LUZP2: variants seen among roughly 807,000 people sequenced by gnomAD.
LUZP2 encodes leucine zipper protein 2.
Under a neutral mutation model 51.6 loss-of-function variants are expected in LUZP2, and 52 were observed. The ratio of observed to expected loss-of-function variants is 1.01; its 90% CI spans 0.81 to 1.27. LUZP2 has a LOEUF of 1.27. LUZP2 is among the 50% of genes most tolerant of loss of function. LUZP2 has a pLI of 0.00. For missense variants in LUZP2, 436 were observed against 395.4 expected, an observed-to-expected ratio of 1.10 and a Z score of -0.87; for synonymous variants, 154 against 137.3, an observed-to-expected ratio of 1.12 and a Z score of -0.85.
intron 6 of LUZP2, among the ~76,000 whole-genome samples, chr11:24,906,545 A>G (rs896493984): frequency 1.9e-4 from 29 of 150,250 alleles, no homozygotes; most frequent in Non-Finnish European, 2.9e-5. Context: ...GGGAAATGTC[A>G]TTCTGCTTAA....
chr11:24,985,817 A>G (rs1358472347), intron 9 of LUZP2, among the ~76,000 whole-genome samples: 1 of 151,710 alleles, frequency 6.6e-6, no homozygotes, highest in Non-Finnish European at 1.5e-5. Context: ...TCTGGAACTG[A>G]GGGAAGACAT....
intron 6 of LUZP2, among the ~76,000 whole-genome samples, 196 bp downstream of exon 6, chr11:24,906,249 A>C (rs1233636287): frequency 6.6e-6 from 1 of 152,044 alleles, no homozygotes; most frequent in Admixed American, 6.5e-5. Context: ...AGGAAAAAAA[A>C]AAATTAACAA....
intron 1 of LUZP2, among the ~76,000 whole-genome samples, chr11:24,507,968 A>C (rs2133768113): frequency 6.6e-6 from 1 of 151,182 alleles, no homozygotes; most frequent in Non-Finnish European, 1.5e-5. Context: ...AAAGAAACTC[A>C]AAATATAAAT....
At chr11:24,804,352 A>G (rs1204152708) in intron 5 of LUZP2, among the ~76,000 whole-genome samples, 1 of 152,174 alleles carries the variant, frequency 6.6e-6, no homozygotes, top group East Asian at 1.9e-4. Context: ...AAAACGTATC[A>G]TCTTTTCCTA....
intron 10 of LUZP2, among the ~76,000 whole-genome samples, chr11:25,061,900 T>C (rs1166693245): frequency 2.0e-5 from 3 of 152,246 alleles, no homozygotes; most frequent in Middle Eastern, 3.4e-3. Flanking sequence ...GAAATTGATA[T>C]GGAATGAAGA....
intron 5 of LUZP2, among the ~76,000 whole-genome samples, chr11:24,787,753 T>G (rs994478101): frequency 1.3e-5 from 2 of 152,218 alleles, no homozygotes; most frequent in Non-Finnish European, 2.9e-5. Context: ...ATAATAGTTG[T>G]TCTTGTAATT....
At chr11:24,860,880 A>G (rs1340817680) in intron 5 of LUZP2, among the ~76,000 whole-genome samples, 1 of 152,132 alleles carries the variant, frequency 6.6e-6, no homozygotes, top group Non-Finnish European at 1.5e-5. Context: ...TGAAAACCCA[A>G]AAGGCCAGAG....
rs918365139 is a variant in LUZP2, at chr11:24,899,263, C to A, written c.397-6728C>A. ...TTCAGATTTATTATATATCTTATAG[C>A]GTGTGATTTAGTAATTATGTATGGC... On this transcript the variant is annotated intron_variant, in intron 5 of 11. Coordinates refer to ENST00000336930, the MANE Select transcript of LUZP2 (RefSeq NM_001009909.4). Among the ~76,000 whole-genome samples the A allele has an allele frequency of 5.9e-5, 9 of 151,858 alleles. No individual in the cohort carries two copies. In the East Asian group the frequency reaches 1.6e-3, roughly 26 times the overall value.
intron 5 of LUZP2, among the ~76,000 whole-genome samples, chr11:24,881,560 CTG>C (rs1852469810): frequency 1.3e-5 from 2 of 151,964 alleles, no homozygotes; most frequent in African/African-American, 4.8e-5. Context: ...TGAAAGTATT[CTG>C]ATTACTCAAA....
intron 1 of LUZP2, among the ~76,000 whole-genome samples, chr11:24,717,884 A>AATC: frequency 1.1e-5 from 1 of 87,624 alleles, no homozygotes; most frequent in Non-Finnish European, 2.5e-5. Flanking sequence ...GTTTGCTAAT[A>AATC]GCCTCCAGCT....
At chr11:24,932,832 C>G (rs368121021) in intron 7 of LUZP2, among the ~76,000 whole-genome samples, 1 of 152,162 alleles carries the variant, frequency 6.6e-6, no homozygotes, top group Non-Finnish European at 1.5e-5. Context: ...GGGTTCTGTC[C>G]AGGAAACTCT....
At chr11:25,038,224 TTCTG>T (rs1857925130) in intron 9 of LUZP2, among the ~76,000 whole-genome samples, 1 of 152,180 alleles carries the variant, frequency 6.6e-6, no homozygotes, top group Admixed American at 6.5e-5. Flanking sequence ...TAAAAAATTT[TTCTG>T]TCTGACATAA....
chr11:24,778,727 G>A (rs1242878369), intron 5 of LUZP2, among the ~76,000 whole-genome samples: 3 of 152,160 alleles, frequency 2.0e-5, no homozygotes, highest in African/African-American at 7.2e-5. Context: ...TAGAATTTTT[G>A]CTAGCATTTA....
chr11:24,736,582 T>C lies in LUZP2; in HGVS notation c.252-1639T>C, dbSNP rs553178762. Among the ~76,000 whole-genome samples, 18 of 151,874 alleles carry C rather than the reference T, an allele frequency of 1.2e-4. No homozygotes were observed. The East Asian group carries it at 3.5e-3, about 30-fold the overall frequency. ...TGAGCATATAGACACTAAAACACAATTTCACTACCCCTCTATGCATTTGTT... is the reference window on the plus strand; with the variant it reads ...TGAGCATATAGACACTAAAACACAACTTCACTACCCCTCTATGCATTTGTT... On this transcript the variant is annotated intron_variant, in intron 3 of 11. Coordinates refer to ENST00000336930, the MANE Select transcript of LUZP2 (RefSeq NM_001009909.4).
chr11:24,772,403 C>T (rs1375240482), intron 5 of LUZP2, among the ~76,000 whole-genome samples: 1 of 152,148 alleles, frequency 6.6e-6, no homozygotes, highest in Non-Finnish European at 1.5e-5. Flanking sequence ...ATTCTTATGC[C>T]TGCCTACAGA....
At chr11:25,024,636 C>T (rs1218655800) in intron 9 of LUZP2, among the ~76,000 whole-genome samples, 7 of 151,668 alleles carry the variant, frequency 4.6e-5, no homozygotes, top group Non-Finnish European at 8.8e-5. Context: ...CACTGCTCAA[C>T]GAAATAAGAG....
At chr11:24,950,224 T>C (rs1237505152) in intron 7 of LUZP2, among the ~76,000 whole-genome samples, 1 of 149,076 alleles carries the variant, frequency 6.7e-6, no homozygotes, top group African/African-American at 2.5e-5. Flanking sequence ...GTGAGACAAA[T>C]AAATGAATGG....
At chr11:24,824,898 C>G (rs80254164) in intron 5 of LUZP2, among the ~76,000 whole-genome samples, 2 of 151,868 alleles carry the variant, frequency 1.3e-5, no homozygotes, top group Non-Finnish European at 2.9e-5. Flanking sequence ...CATTTTTATG[C>G]CAAATAAAAT....
At chr11:24,904,600 A>G (rs1853388372) in intron 5 of LUZP2, among the ~76,000 whole-genome samples, 1 of 152,064 alleles carries the variant, frequency 6.6e-6, no homozygotes, top group Admixed American at 6.6e-5. Flanking sequence ...CCAATTTTTG[A>G]TAAATCATAT....
Sources: gnomAD v4.1 joint callset for allele counts (sites outside exome capture counted in the v4.1 genomes callset) on GRCh38, gnomAD v4.1.1 for gene constraint, MANE v1.5 for transcripts, NCBI Gene and HGNC (gene_info 2026-07-23, HGNC 2026-07-21) for gene names.